Variants in COG5 observed in about 807,000 individuals in gnomAD.
COG5 encodes the protein conserved oligomeric Golgi complex subunit 5.
In COG5, 86 loss-of-function variants were observed where a neutral mutation model predicts 110.4. That is an observed-to-expected ratio of 0.78 (90% confidence interval 0.65 to 0.93). The LOEUF (loss-of-function observed/expected upper bound fraction) is 0.93. Ranked by LOEUF, COG5 falls within the 40% of genes least tolerant of loss-of-function variation. The probability of loss-of-function intolerance (pLI) is 0.00; values close to 1 mark genes in which losing one functional copy is unlikely to be tolerated. For synonymous variants in COG5, 360 were observed against 334.6 expected, an observed-to-expected ratio of 1.08 and a Z score of -0.83; for missense variants, 1,077 against 987.0, an observed-to-expected ratio of 1.09 and a Z score of -1.22.
intron 6 of COG5, chr7:107,475,647 T>C (rs948279699): frequency 1.1e-5 from 3 of 268,662 alleles, no homozygotes; most frequent in African/African-American, 6.7e-5. Flanking sequence ...AATAAATACA[T>C]AGCCTTAAAA....
chr7:107,277,321 TG>T (rs1331270936), intron 14 of COG5, among the ~76,000 whole-genome samples: 1 of 152,218 alleles, frequency 6.6e-6, no homozygotes, highest in Non-Finnish European at 1.5e-5. Flanking sequence ...AATACAGTCG[TG>T]GGTTCTTAGT....
intron 21 of COG5, chr7:107,208,238 G>A (rs1236496748): frequency 1.0e-6 from 1 of 985,248 alleles, no homozygotes; most frequent in Admixed American, 6.2e-5. Flanking sequence ...AGCCATGTGT[G>A]GAGGGATGGA....
At chr7:107,277,322 G>A (rs1310799963) in intron 14 of COG5, among the ~76,000 whole-genome samples, 1 of 152,090 alleles carries the variant, frequency 6.6e-6, no homozygotes, top group Non-Finnish European at 1.5e-5. Context: ...ATACAGTCGT[G>A]GGTTCTTAGT....
At chr7:107,440,334 AACT>A (rs1007359428) in intron 6 of COG5, among the ~76,000 whole-genome samples, 7 of 152,156 alleles carry the variant, frequency 4.6e-5, no homozygotes, top group African/African-American at 1.7e-4. Flanking sequence ...TCAGTAAAAT[AACT>A]ACAACTTTCA....
At chr7:107,533,792 T>C (rs1194797419) in intron 5 of COG5, among the ~76,000 whole-genome samples, 1 of 151,416 alleles carries the variant, frequency 6.6e-6, no homozygotes, top group African/African-American at 2.5e-5. Context: ...CAGGCCAACA[T>C]TCAAATTCAG....
At chr7:107,220,809 T>G (rs1235013988) in intron 19 of COG5, among the ~76,000 whole-genome samples, 1 of 149,894 alleles carries the variant, frequency 6.7e-6, no homozygotes, top group Admixed American at 6.6e-5. Context: ...GCGGGACTCA[T>G]GCCTTCTTTT....
rs576593253 is a variant in COG5, at chr7:107,446,772, C to T, written c.539-34140G>A. Among the ~76,000 whole-genome samples the T allele has an allele frequency of 5.9e-5, 9 of 152,314 alleles. No homozygotes were observed. The South Asian group carries it at 1.7e-3, about 28-fold the overall frequency. ...TACATCCTTCCACCACAGTCACACC[C>T]TGGCTGACAACTTCACTACAACCTC... On this transcript the variant is annotated intron_variant, in intron 6 of 21. Transcript: ENST00000297135.
At chr7:107,220,646 T>C (rs1192400701) in intron 19 of COG5, among the ~76,000 whole-genome samples, 1 of 152,158 alleles carries the variant, frequency 6.6e-6, no homozygotes, top group Non-Finnish European at 1.5e-5. Flanking sequence ...CAGCCCATGA[T>C]TCTAACCTGC....
At chr7:107,482,312 A>T (rs888770151) in intron 6 of COG5, among the ~76,000 whole-genome samples, 10 of 147,628 alleles carry the variant, frequency 6.8e-5, no homozygotes, top group Non-Finnish European at 1.3e-4. Flanking sequence ...CCAGCTAATT[A>T]AAAAAAAAAA....
chr7:107,486,541 C>T (rs1312983751), intron 6 of COG5, among the ~76,000 whole-genome samples: 3 of 151,944 alleles, frequency 2.0e-5, no homozygotes, highest in Non-Finnish European at 2.9e-5. Flanking sequence ...GTGGAAAATG[C>T]GTACGTCCAA....
chr7:107,299,826 C>CAT (rs71856513), intron 11 of COG5, among the ~76,000 whole-genome samples: 12,467 of 102,740 alleles, frequency 0.12, 827 homozygotes, highest in East Asian at 0.17. Context: ...TCATAGTTGG[C>CAT]ATATATATAT....
rs1314783215 is a variant in COG5, at chr7:107,324,482, C to T, written c.1066G>A (p.Val356Ile). Residue 356 changes from valine to isoleucine, a missense_variant, in exon 11 of 22, where the codon GTT becomes ATT. By Grantham distance (29) the Val-to-Ile change is conservative (BLOSUM62 3). Transcript: ENST00000297135. ...PEIFYTFWNS[V>I]TQALSSQFHM... ...AATTGAGAAGAAAGTGCCTGAGTAA[C>T]TGAATTCCAAAATGTGTAGAAAATT... 8 of 1,606,272 alleles carry T rather than the reference C, an allele frequency of 5.0e-6. No individual in the cohort carries two copies. Among genetic ancestry groups the T allele is most frequent in the Non-Finnish European group, 6.8e-6 (8 of 1,175,874 alleles).
chr7:107,436,604 TTTG>T (rs1046296280), intron 6 of COG5, among the ~76,000 whole-genome samples: 6 of 152,194 alleles, frequency 3.9e-5, no homozygotes, highest in Non-Finnish European at 8.8e-5. Flanking sequence ...AATAGCAAAT[TTTG>T]TTATGCATAT....
chr7:107,497,332 C>G (rs1334875081), intron 6 of COG5, among the ~76,000 whole-genome samples: 1 of 152,076 alleles, frequency 6.6e-6, no homozygotes, highest in Admixed American at 6.6e-5. Context: ...AAAAGGCATT[C>G]AAATCAAAAG....
intron 6 of COG5, among the ~76,000 whole-genome samples, chr7:107,416,614 G>A (rs376774447): frequency 3.3e-5 from 5 of 152,124 alleles, no homozygotes; most frequent in East Asian, 3.9e-4. Flanking sequence ...TAAAAACTAC[G>A]TATGAACCAA....
At chr7:107,248,534 C>T in intron 16 of COG5, 35 bp from the exon 17 acceptor site, 1 of 1,447,186 alleles carries the variant, frequency 6.9e-7, no homozygotes, top group Non-Finnish European at 9.6e-7. Flanking sequence ...AAAGAAGAGG[C>T]AAGATTAAAG....
At chr7:107,508,316 G>A (rs1799194519) in intron 6 of COG5, among the ~76,000 whole-genome samples, 2 of 152,240 alleles carry the variant, frequency 1.3e-5, no homozygotes, top group Non-Finnish European at 2.9e-5. Flanking sequence ...CTGCAAGGCA[G>A]CAGCAAGGCT....
chr7:107,211,058 G>C, intron 20 of COG5, 41 bp downstream of exon 20: 1 of 1,610,384 alleles, frequency 6.2e-7, no homozygotes, highest in Non-Finnish European at 8.5e-7. Flanking sequence ...CAGGTAATGG[G>C]AAGAGTCACA....
chr7:107,235,676 C>T (rs1365680737), intron 18 of COG5, among the ~76,000 whole-genome samples: 1 of 152,188 alleles, frequency 6.6e-6, no homozygotes, highest in Non-Finnish European at 1.5e-5. Flanking sequence ...GCACTCCAAC[C>T]TGGGCGACAG....
Sources: allele counts gnomAD v4.1 joint callset (sites outside exome capture counted in the v4.1 genomes callset), GRCh38; gene constraint gnomAD v4.1.1; transcripts MANE v1.5; gene names NCBI Gene and HGNC (gene_info 2026-07-23, HGNC 2026-07-21).